ARSF: variants seen among roughly 807,000 people sequenced by gnomAD.
The protein encoded by ARSF is arylsulfatase F.
A neutral mutation model predicts 35.4 loss-of-function variants in ARSF; 33 were observed. The ratio of observed to expected loss-of-function variants is 0.93; its 90% CI spans 0.71 to 1.25. ARSF has a LOEUF of 1.25. ARSF is among the 50% of genes most tolerant of loss of function. ARSF has a pLI of 0.00. For synonymous variants in ARSF, 222 were observed against 193.1 expected, an observed-to-expected ratio of 1.15 and a Z score of -1.24; for missense variants, 501 against 480.2, an observed-to-expected ratio of 1.04 and a Z score of -0.40.
At chrX:3,042,211 A>G (rs2089958397) in intron 1 of ARSF, among the ~76,000 whole-genome samples, 1 of 112,283 alleles carries the variant, frequency 8.9e-6, no homozygotes, top group South Asian at 3.6e-4. Flanking sequence ...TTAGGCAAAC[A>G]CAGAAAATTC....
chrX:3,065,888 C>T (rs759249236), intron 1 of ARSF, among the ~76,000 whole-genome samples: 220 of 110,287 alleles, frequency 2.0e-3, no homozygotes, highest in Admixed American at 3.4e-3. Flanking sequence ...TGCTTGAGCC[C>T]AGGAGTTTGA....
At chrX:3,080,801 G>A in intron 4 of ARSF, 90 bp from the exon 5 acceptor site, 1 of 1,078,692 alleles carries the variant, frequency 9.3e-7, no homozygotes, top group Non-Finnish European at 1.3e-6. Flanking sequence ...CCTTGCAGAT[G>A]AGGATTTCAA....
intron 6 of ARSF, among the ~76,000 whole-genome samples, chrX:3,088,680 C>A (rs1264640344): frequency 9.0e-6 from 1 of 110,768 alleles, no homozygotes; most frequent in Admixed American, 9.6e-5. Context: ...CCCACCTCAG[C>A]TTCCCCAGTA....
chrX:3,096,735 A>G (rs1476144083), intron 7 of ARSF, among the ~76,000 whole-genome samples: 1 of 111,936 alleles, frequency 8.9e-6, no homozygotes, highest in Non-Finnish European at 1.9e-5. Flanking sequence ...AGGACATTAC[A>G]TTCGGTACAA....
At chrX:3,099,870 T>C (rs1426799358) in intron 7 of ARSF, among the ~76,000 whole-genome samples, 1 of 111,974 alleles carries the variant, frequency 8.9e-6, no homozygotes. Flanking sequence ...ATAAATTCTT[T>C]CTTAACTTGC....
chrX:3,072,795 T>G (rs1296752461), intron 3 of ARSF, among the ~76,000 whole-genome samples: 1 of 106,563 alleles, frequency 9.4e-6, no homozygotes, highest in Non-Finnish European at 1.9e-5. Flanking sequence ...ATGTGATATA[T>G]TCATATATGA....
intron 7 of ARSF, among the ~76,000 whole-genome samples, chrX:3,097,796 C>T (rs940119842): frequency 2.7e-5 from 3 of 111,192 alleles, no homozygotes; most frequent in Non-Finnish European, 3.8e-5. Flanking sequence ...TTTGGGATGC[C>T]GAGGCAGGCA....
intron 4 of ARSF, among the ~76,000 whole-genome samples, chrX:3,079,999 G>A (rs1238066229): frequency 1.1e-5 from 1 of 91,575 alleles, no homozygotes; most frequent in Admixed American, 1.2e-4. Context: ...AAAAGAGAGA[G>A]AGAGAAAAAA....
chrX:3,089,359 G>T (rs2090271627), intron 6 of ARSF, 137 bp from the exon 7 acceptor site: 2 of 667,494 alleles, frequency 3.0e-6, no homozygotes, highest in African/African-American at 2.2e-5. Flanking sequence ...GCAGGATGGG[G>T]CCCTTGGGTG....
At chrX:3,055,342 C>CAAAAAAAAAA (rs770014108) in intron 1 of ARSF, among the ~76,000 whole-genome samples, 3 of 32,463 alleles carry the variant, frequency 9.2e-5, no homozygotes, top group African/African-American at 2.3e-4. Flanking sequence ...AACTCCATTT[C>CAAAAAAAAAA]AAAAAAAAAA....
At position 3,112,206 on chromosome X, in the gene ARSF, C is replaced by G. The variant is rs780197086; in HGVS notation, c.1423C>G (p.Pro475Ala). ...GSVWKAHYVT[P>A]VFQPPASGGC... is the part of the protein sequence containing the mutation. ...AGTTTGGAAGGCTCACTATGTGACC[C>G]CGGTATTCCAGCCACCAGCTTCTGG... The change falls in exon 11 of 11, where the codon CCG (proline) becomes GCG (alanine). Residue 475 changes from proline to alanine, a missense_variant. Pro to Ala is a conservative substitution (Grantham distance 27, BLOSUM62 -1). Coordinates refer to ENST00000381127, the MANE Select transcript of ARSF (RefSeq NM_001201539.2). 1.7e-6 allele frequency: 2 copies of G among 1,209,784 alleles called. No individual in the cohort carries two copies. Among genetic ancestry groups the G allele is most frequent in the South Asian group, 3.5e-5 (2 of 56,538 alleles).
intron 8 of ARSF, among the ~76,000 whole-genome samples, chrX:3,102,791 A>G (rs1475420132): frequency 9.0e-6 from 1 of 110,685 alleles, no homozygotes; most frequent in Non-Finnish European, 1.9e-5. Context: ...GGACACCTGT[A>G]GTCCCAGCTA....
chrX:3,049,409 C>A (rs1392738583), intron 1 of ARSF, among the ~76,000 whole-genome samples: 1 of 111,546 alleles, frequency 9.0e-6, no homozygotes, highest in Non-Finnish European at 1.9e-5. Context: ...TTTGCGTAAA[C>A]AATAGGGCAG....
At position 3,072,190 on chromosome X, in the gene ARSF, T is replaced by C. The variant is rs1309472584; in HGVS notation, c.161+15T>C. On this transcript the variant is annotated intron_variant, in intron 3 of 10. Coordinates refer to ENST00000381127, the MANE Select transcript of ARSF (RefSeq NM_001201539.2). ...GACACCATGAGGTAAGGCGGTTTCATGGCCAGTCATACGTTCGTCAGTCGT... is the reference window on the plus strand; with the variant it reads ...GACACCATGAGGTAAGGCGGTTTCACGGCCAGTCATACGTTCGTCAGTCGT... The C allele has an allele frequency of 8.3e-7, 1 of 1,205,892 alleles. No individual in the cohort carries two copies. Among genetic ancestry groups the C allele is most frequent in the East Asian group, 3.0e-5 (1 of 33,685 alleles).
intron 8 of ARSF, 150 bp from the exon 9 acceptor site, chrX:3,103,612 C>A: frequency 1.8e-6 from 1 of 556,363 alleles, no homozygotes; most frequent in Non-Finnish European, 2.8e-6. Flanking sequence ...ATTCTGTAGA[C>A]GTGCACTACT....
chrX:3,073,684 AAT>A (rs2090125764), intron 3 of ARSF, among the ~76,000 whole-genome samples: 1 of 102,172 alleles, frequency 9.8e-6, no homozygotes, highest in Admixed American at 1.2e-4. Context: ...ATAATTAATA[AAT>A]ATATATTATA....
At chrX:3,104,132 A>G (rs2090398007) in intron 9 of ARSF, among the ~76,000 whole-genome samples, 2 of 111,869 alleles carry the variant, frequency 1.8e-5, no homozygotes, top group African/African-American at 6.5e-5. Flanking sequence ...AAATATACAT[A>G]TATAATTTAC....
chrX:3,070,414 G>A lies in ARSF; in HGVS notation c.12-1612G>A, dbSNP rs192396500. Among the ~76,000 whole-genome samples, 29 of 109,748 alleles carry A rather than the reference G, an allele frequency of 2.6e-4. No homozygotes were observed. In the South Asian group the frequency reaches 3.2e-3, roughly 12 times the overall value. ...ATTCTAATTTTAGAATGAAGTTAAG[G>A]TTAAATCCCTTACCTGTAGAGACTC... On this transcript the variant is annotated intron_variant, in intron 2 of 10. Coordinates refer to ENST00000381127, the MANE Select transcript of ARSF (RefSeq NM_001201539.2).
At chrX:3,090,083 C>T (rs2090278108) in intron 7 of ARSF, among the ~76,000 whole-genome samples, 2 of 111,266 alleles carry the variant, frequency 1.8e-5, no homozygotes, top group African/African-American at 6.5e-5. Flanking sequence ...TTCCTTCACC[C>T]CTCTAGTAGT....
Sources: allele counts gnomAD v4.1 joint callset (sites outside exome capture counted in the v4.1 genomes callset), GRCh38; gene constraint gnomAD v4.1.1; transcripts MANE v1.5; gene names NCBI Gene and HGNC (gene_info 2026-07-23, HGNC 2026-07-21).